MTFR2: variants seen among roughly 807,000 people sequenced by gnomAD.
MTFR2 encodes mitochondrial fission regulator 2.
In MTFR2, 44 loss-of-function variants were observed where a neutral mutation model predicts 41.2. The ratio of observed to expected loss-of-function variants is 1.07; its 90% CI spans 0.84 to 1.37. The LOEUF (loss-of-function observed/expected upper bound fraction) is 1.37, where lower values mean the gene tolerates loss of function less well. Ranked by LOEUF, MTFR2 falls within the 40% of genes most tolerant of loss-of-function variation. The pLI, the probability that MTFR2 is intolerant of heterozygous loss-of-function variation, is 0.00. For missense variants in MTFR2, 452 were observed against 459.5 expected (o/e 0.98, Z 0.15); for synonymous variants, 141 against 154.6 (o/e 0.91, Z 0.65).
intron 6 of MTFR2, among the ~76,000 whole-genome samples, chr6:136,235,123 C>T (rs1225482869): frequency 6.6e-6 from 1 of 152,142 alleles, no homozygotes; most frequent in Non-Finnish European, 1.5e-5. Context: ...CTCCTGACCT[C>T]GAGTGATCTG....
At chr6:136,231,490 A>G in intron 7 of MTFR2, 102 bp from the exon 8 acceptor site, 1 of 686,206 alleles carries the variant, frequency 1.5e-6, no homozygotes. Context: ...TTCATTCACA[A>G]TATTTATTTA....
chr6:136,235,303 G>A (rs1015752332), intron 6 of MTFR2, among the ~76,000 whole-genome samples: 3 of 120,138 alleles, frequency 2.5e-5, no homozygotes, highest in African/African-American at 1.6e-4. Context: ...GGAAGGAAAA[G>A]TCCTGTTTTG....
rs549221898 is a variant in MTFR2 at position 136,244,562 on chromosome 6, C to A, written c.168+203G>T. ...AACAACGCTTTTCTCAAAATGTATC[C>A]CCCCATCATTAAACGATGCATGATT... On this transcript the variant is annotated intron_variant, in intron 3 of 7. Coordinates refer to ENST00000420702, the MANE Select transcript of MTFR2 (RefSeq NM_001099286.3). 4.0e-5 allele frequency among the ~76,000 whole-genome samples: 6 copies of A among 151,354 alleles called. No homozygotes were observed. In the East Asian group the frequency reaches 1.2e-3, roughly 29 times the overall value.
chr6:136,244,878 A>G lies in MTFR2; in HGVS notation c.64-9T>C, dbSNP rs751920207. ...TCCCAAATCAGCAAAACCTATTTTA[A>G]ACATAAAGTATGAATTAAAATGCAC... On this transcript the variant is annotated splice_polypyrimidine_tract_variant and intron_variant, in intron 2 of 7. Coordinates refer to ENST00000420702, the MANE Select transcript of MTFR2 (RefSeq NM_001099286.3). 1.3e-6 allele frequency: 2 copies of G among 1,573,022 alleles called. No individual in the cohort carries two copies. The highest frequency in any genetic ancestry group is 4.5e-5 in the East Asian group (2 of 44,234).
At position 136,231,243 on chromosome 6, in the gene MTFR2, T is replaced by C. The variant is rs771610930; in HGVS notation, c.*32A>G. ...ATAATTTATCATCCAGGAAGAAGTT[T>C]TGGAAGTTTAAAGCTCAACCTTAAG... On this transcript the variant is annotated 3_prime_UTR_variant, in exon 8 of 8. Coordinates refer to ENST00000420702, the MANE Select transcript of MTFR2 (RefSeq NM_001099286.3). The C allele has an allele frequency of 5.1e-6, 7 of 1,374,862 alleles. No homozygotes were observed. The highest frequency in any genetic ancestry group is 7.2e-6 in the Non-Finnish European group (7 of 974,196). The allele number at this position is 1,374,862 out of a possible 1,614,324, so 85.2% of individuals were successfully genotyped here.
Position 136,241,530 on chromosome 6 carries a change from G to A in MTFR2, c.428C>T (p.Ala143Val). The part of the protein sequence containing the change: ...PVNEAAIRKI[A>V]ALENELTFLR... Reference sequence around the variant, plus strand: ...AAAAGTCAGCTCATTTTCAAGGGCAGCTATTTTTCTAATTGCAGCTTCATT... The same window carrying A: ...AAAAGTCAGCTCATTTTCAAGGGCAACTATTTTTCTAATTGCAGCTTCATT... The change falls in exon 5 of 8, where the codon GCT becomes GTT. Residue 143 changes from alanine (A) to valine (V), a missense_variant. By Grantham distance (64) the Ala-to-Val change is moderately conservative. Coordinates refer to ENST00000420702, the MANE Select transcript of MTFR2 (RefSeq NM_001099286.3). 1 of 1,614,150 alleles carries A rather than the reference G, an allele frequency of 6.2e-7. No individual in the cohort carries two copies. Among genetic ancestry groups the A allele is most frequent in the South Asian group, 1.1e-5 (1 of 91,076 alleles).
Position 136,237,448 on chromosome 6 carries a change from G to A in MTFR2, c.869+2018C>T, listed in dbSNP as rs1373787518. On this transcript the variant is annotated intron_variant, in intron 6 of 7. Coordinates refer to ENST00000420702, the MANE Select transcript of MTFR2 (RefSeq NM_001099286.3). ...AACCTACACTTTTAATACTGTCAGT[G>A]GGATAAGACCAACAAAACCAAAAAG... 3.9e-5 allele frequency among the ~76,000 whole-genome samples: 6 copies of A among 152,280 alleles called. No individual in the cohort carries two copies. In the East Asian group the frequency reaches 1.2e-3, roughly 29 times the overall value.
At chr6:136,236,808 C>A (rs924965597) in intron 6 of MTFR2, among the ~76,000 whole-genome samples, 9 of 152,176 alleles carry the variant, frequency 5.9e-5, no homozygotes, top group Admixed American at 3.9e-4. Context: ...TCTATTTTCT[C>A]ACCGAAAACC....
intron 7 of MTFR2, among the ~76,000 whole-genome samples, chr6:136,232,571 A>G (rs564353944): frequency 2.6e-5 from 4 of 152,196 alleles, no homozygotes; most frequent in African/African-American, 7.2e-5. Context: ...GGAGGGCTCA[A>G]TGCATCTGAG....
chr6:136,249,239 C>A, intron 1 of MTFR2, 86 bp from the exon 2 acceptor site: 1 of 558,846 alleles, frequency 1.8e-6, no homozygotes, highest in Non-Finnish European at 3.0e-6. Context: ...TCTTGATACA[C>A]GACACAGTCA....
intron 2 of MTFR2, chr6:136,247,492 T>C (rs540209690): frequency 3.5e-5 from 16 of 456,284 alleles, no homozygotes; most frequent in East Asian, 3.5e-4. Flanking sequence ...TCCTCTCTCA[T>C]GTGGATCTTA....
intron 2 of MTFR2, chr6:136,247,331 C>T: frequency 3.1e-6 from 1 of 319,174 alleles, no homozygotes; most frequent in South Asian, 2.6e-5. Flanking sequence ...GCCTGGGCAA[C>T]AGAGCAAGAC....
chr6:136,231,387 A>T lies in MTFR2; in HGVS notation c.1046T>A (p.Phe349Tyr). ...TTCTGACTGTGAAATGTGATGTCCA[A>T]ACTGAAATAAAGCAAATATTTAACA... is the stretch of plus-strand genomic sequence containing the variant. ...SPFSSPETSR[F>Y]GHHISQSEGQ... is the part of the protein sequence containing the mutation. The change falls in exon 8 of 8, where the codon TTT (phenylalanine) becomes TAT (tyrosine). Residue 349 changes from phenylalanine to tyrosine, a missense_variant and splice_region_variant. Phe to Tyr is a conservative substitution (Grantham distance 22). Transcript: ENST00000420702. 6.3e-7 allele frequency: 1 copy of T among 1,583,686 alleles called. No individual in the cohort carries two copies. Among genetic ancestry groups the T allele is most frequent in the Non-Finnish European group, 8.6e-7 (1 of 1,158,420 alleles).
At chr6:136,239,200 T>G (rs891095460) in intron 6 of MTFR2, among the ~76,000 whole-genome samples, 1 of 152,194 alleles carries the variant, frequency 6.6e-6, no homozygotes, top group African/African-American at 2.4e-5. Context: ...TAAGAAAATA[T>G]ATTCCTAATA....
At position 136,249,023 on chromosome 6, in the gene MTFR2, A is replaced by G. The variant is rs1414546460; in HGVS notation, c.63+14T>C. ...AAATACAACAGATCCATTCCAATCCAAAACGACATTTACCTGTTCTACAGG... is the reference window on the plus strand; with the variant it reads ...AAATACAACAGATCCATTCCAATCCGAAACGACATTTACCTGTTCTACAGG... On this transcript the variant is annotated intron_variant, in intron 2 of 7. Transcript: ENST00000420702. The G allele has an allele frequency of 1.3e-6, 2 of 1,597,690 alleles. No homozygotes were observed. Among genetic ancestry groups the G allele is most frequent in the African/African-American group, 2.7e-5 (2 of 73,910 alleles).
intron 6 of MTFR2, among the ~76,000 whole-genome samples, chr6:136,238,762 TGTA>T (rs1031476016): frequency 6.6e-6 from 1 of 151,244 alleles, no homozygotes; most frequent in African/African-American, 2.4e-5. Context: ...ACAAATAAAA[TGTA>T]GTCAAAATAT....
At position 136,249,528 on chromosome 6, in the gene MTFR2, A is replaced by G. The variant is rs542145306; in HGVS notation, c.-54-375T>C. ...ATGGGTGAGTTTAGCCAACCCTTGA[A>G]AGCAGGCAAGGGACGACTCAGTTTT... On this transcript the variant is annotated intron_variant, in intron 1 of 7. Coordinates refer to ENST00000420702, the MANE Select transcript of MTFR2 (RefSeq NM_001099286.3). Among the ~76,000 whole-genome samples, 6 of 152,252 alleles carry G rather than the reference A, an allele frequency of 3.9e-5. No homozygotes were observed. In the South Asian group the frequency reaches 1.2e-3, roughly 32 times the overall value.
Position 136,244,751 on chromosome 6 carries a change from G to T in MTFR2, c.168+14C>A. 1 of 1,569,616 alleles carries T rather than the reference G, an allele frequency of 6.4e-7. No individual in the cohort carries two copies. Among genetic ancestry groups the T allele is most frequent in the Non-Finnish European group, 8.8e-7 (1 of 1,140,654 alleles). ...TGTACTTGGTACTTAAACAATTTAT[G>T]TTGACTGACTTACCTCAAAATTAGG... is the stretch of plus-strand genomic sequence containing the variant. On this transcript the variant is annotated intron_variant, in intron 3 of 7. Coordinates refer to ENST00000420702, the MANE Select transcript of MTFR2 (RefSeq NM_001099286.3).
intron 7 of MTFR2, among the ~76,000 whole-genome samples, chr6:136,231,669 TAAAAAAAAAAAAAA>T: frequency 1.2e-5 from 1 of 82,932 alleles, no homozygotes; most frequent in East Asian, 3.6e-4. Context: ...AAAAACTATG[TAAAAAAAAAAAAAA>T]AAAAAAAAAG....
Sources: gnomAD v4.1 joint callset for allele counts (sites outside exome capture counted in the v4.1 genomes callset) on GRCh38, gnomAD v4.1.1 for gene constraint, MANE v1.5 for transcripts, NCBI Gene and HGNC (gene_info 2026-07-23, HGNC 2026-07-21) for gene names.